Variants in HIF3A observed in about 807,000 individuals in gnomAD.
HIF3A encodes hypoxia inducible factor 3 subunit alpha.
A neutral mutation model predicts 67.2 loss-of-function variants in HIF3A; 41 were observed. That is an observed-to-expected ratio of 0.61 (90% CI 0.48 to 0.79). The LOEUF is 0.79. HIF3A is among the 30% of genes least tolerant of loss of function. The probability of loss-of-function intolerance (pLI) is 0.00; values close to 1 mark genes in which losing one functional copy is unlikely to be tolerated. For synonymous variants in HIF3A, 356 were observed against 374.8 expected, an observed-to-expected ratio of 0.95 and a Z score of 0.58; for missense variants, 855 against 898.0, an observed-to-expected ratio of 0.95 and a Z score of 0.61.
chr19:46,335,162 C>T (rs1290488237), intron 14 of HIF3A, among the ~76,000 whole-genome samples, 176 bp downstream of exon 14: 1 of 152,054 alleles, frequency 6.6e-6, no homozygotes, highest in Non-Finnish European at 1.5e-5. Context: ...GGAGAGAGCC[C>T]CTAAGGGAGG....
Position 46,308,266 on chromosome 19 carries a change from G to C in HIF3A, c.409G>C (p.Asp137His). The change falls in exon 4 of 15, where the codon GAC becomes CAC. Residue 137 changes from aspartate (D) to histidine (H), a missense_variant. By Grantham distance (81) the Asp-to-His change is moderately conservative. Around this residue, in one of 3 missense-constraint regions of HIF3A, gnomAD observed 638 missense variants for 660.5 expected, o/e 0.97. Transcript: ENST00000377670. ...HSIFDFIHPC[D>H]QEELQDALTP... ...CATCTTTGATTTCATCCACCCCTGT[G>C]ACCAAGAGGAGCTTCAGGACGCCCT... 6.2e-7 allele frequency: 1 copy of C among 1,613,862 alleles called. No homozygotes were observed. Among genetic ancestry groups the C allele is most frequent in the East Asian group, 2.2e-5 (1 of 44,866 alleles).
Position 46,297,146 on chromosome 19 carries a change from T to A in HIF3A, c.26+44T>A. ...AGGAGTTCTGGGAATTGGGGGGCTC[T>A]CCTCCTGGAGACCCCTGAGCTGGAT... On this transcript the variant is annotated intron_variant, in intron 1 of 14. Coordinates refer to ENST00000377670, the MANE Select transcript of HIF3A (RefSeq NM_152795.4). This position sits in a 1 kb window ranked among gnomAD's most constrained non-coding sequence, Gnocchi z 4.5. 2 of 383,322 alleles carry A rather than the reference T, an allele frequency of 5.2e-6. No homozygotes were observed. The highest frequency in any genetic ancestry group is 8.6e-6 in the Non-Finnish European group (2 of 233,190). 23.7% of individuals were successfully genotyped at this position (383,322 alleles called of 1,614,324 possible). A position where few individuals can be genotyped will look rare whatever the true frequency, so the allele number is the denominator to read the frequency against.
rs532285027 is a variant in HIF3A at position 46,331,855 on chromosome 19, C to CAA, written c.1830+600_1830+601dup. 3.2e-3 allele frequency among the ~76,000 whole-genome samples: 163 copies of CAA among 51,232 alleles called. 2 individuals are homozygous for CAA. The highest frequency in any genetic ancestry group is 7.5e-3 in the African/African-American group (113 of 15,002). 33.6% of individuals were successfully genotyped at this position (51,232 alleles called of 152,430 possible). On this transcript the variant is annotated intron_variant, in intron 13 of 14. Coordinates refer to ENST00000377670, the MANE Select transcript of HIF3A (RefSeq NM_152795.4). ...AGGCAACAAGAGTGAAACTCCGTCT[C>CAA]AAAAAAAAAAAAAAAAAAAGGCAAT...
intron 13 of HIF3A, among the ~76,000 whole-genome samples, chr19:46,332,833 C>T (rs1004269873): frequency 3.3e-5 from 5 of 151,820 alleles, no homozygotes; most frequent in East Asian, 1.9e-4. Context: ...AAAATACAAA[C>T]GTTAGCCGGG....
At chr19:46,321,168 C>T (rs71353905) in intron 9 of HIF3A, among the ~76,000 whole-genome samples, 2,511 of 152,246 alleles carry the variant, frequency 0.016, 32 homozygotes, top group Non-Finnish European at 0.028. Context: ...TCCTTGAGGG[C>T]TTGGGGCCAG....
intron 10 of HIF3A, among the ~76,000 whole-genome samples, 196 bp from the exon 11 acceptor site, chr19:46,325,339 C>A (rs1970701229): frequency 6.6e-6 from 1 of 152,072 alleles, no homozygotes; most frequent in African/African-American, 2.4e-5. Context: ...TTTGCCCCAT[C>A]CATCTATGTA....
intron 14 of HIF3A, chr19:46,338,579 T>G (rs1454670362): frequency 9.3e-7 from 1 of 1,077,694 alleles, no homozygotes; most frequent in Non-Finnish European, 1.1e-6. Context: ...TAACAACAGC[T>G]GACTTAACTG....
intron 1 of HIF3A, among the ~76,000 whole-genome samples, chr19:46,301,135 CA>C (rs1968295357): frequency 1.3e-5 from 2 of 152,156 alleles, no homozygotes; most frequent in Non-Finnish European, 1.5e-5. Context: ...GGGACGGGGA[CA>C]GGGGCCGTAT....
intron 10 of HIF3A, among the ~76,000 whole-genome samples, chr19:46,322,347 T>C (rs1272102596): frequency 2.0e-5 from 3 of 152,160 alleles, no homozygotes; most frequent in African/African-American, 7.2e-5. Flanking sequence ...CTGGAGATAG[T>C]GTCAGATTTC....
At chr19:46,335,247 C>CATTTATTT (rs374748726) in intron 14 of HIF3A, among the ~76,000 whole-genome samples, 4,850 of 146,246 alleles carry the variant, frequency 0.033, 222 homozygotes, top group African/African-American at 0.098. Context: ...CCTATGATCA[C>CATTTATTT]ATTTATTTAT....
chr19:46,304,784 G>A lies in HIF3A; in HGVS notation c.218-461G>A, dbSNP rs898263540. Among the ~76,000 whole-genome samples, 11 of 152,186 alleles carry A rather than the reference G, an allele frequency of 7.2e-5. No homozygotes were observed. The East Asian group carries it at 2.1e-3, about 30-fold the overall frequency. ...TTTTCTTGGAGGCTTTACCCCCTTA[G>A]AAGTCTGTTCCCTGGGAGTCCCTTC... On this transcript the variant is annotated intron_variant, in intron 2 of 14. Transcript: ENST00000377670.
Position 46,341,177 on chromosome 19 carries a change from T to C in HIF3A, c.*1555T>C, listed in dbSNP as rs11667354. On this transcript the variant is annotated 3_prime_UTR_variant, in exon 15 of 15. Transcript: ENST00000377670. ...GATCGGTAATACATTTGGTTCCAAA[T>C]CCAGACCTCTTAATCTCTCTCTTTT... 0.13 allele frequency: 19,086 copies of C among 151,182 alleles called. 1,672 individuals carry two copies. The highest frequency in any genetic ancestry group is 0.32 in the East Asian group (1,659 of 5,134). The allele number at this position is 151,182 out of a possible 1,614,324, so 9.4% of individuals were successfully genotyped here. A position where few individuals can be genotyped will look rare whatever the true frequency, so the allele number is the denominator to read the frequency against.
In HIF3A at chr19:46,329,491, A is replaced by G; in HGVS notation, c.1712+13A>G. On this transcript the variant is annotated intron_variant, in intron 12 of 14. Transcript: ENST00000377670. ...GGGCTCGGAAGAGGTGAGCCACAGT[A>G]AAGGGGGGACATCAAGGCAGCATCC... 6.7e-7 allele frequency: 1 copy of G among 1,498,292 alleles called. No individual in the cohort carries two copies. Among genetic ancestry groups the G allele is most frequent in the African/African-American group, 1.4e-5 (1 of 71,542 alleles). 92.8% of individuals were successfully genotyped at this position (1,498,292 alleles called of 1,614,324 possible). A position where few individuals can be genotyped will look rare whatever the true frequency, so the allele number is the denominator to read the frequency against.
rs1308500966 is a variant in HIF3A, at chr19:46,304,080, G to C, written c.209G>C (p.Cys70Ser). The C allele has an allele frequency of 7.0e-6, 11 of 1,566,564 alleles. No homozygotes were observed. Among genetic ancestry groups the C allele is most frequent in the Non-Finnish European group, 7.8e-6 (9 of 1,157,586 alleles). Residue 70 changes from cysteine (C) to serine (S), a missense_variant, in exon 2 of 15, where the codon TGC becomes TCC. Cys to Ser is a moderately radical substitution (Grantham distance 112, BLOSUM62 -1). Coordinates refer to ENST00000377670, the MANE Select transcript of HIF3A (RefSeq NM_152795.4). The part of the protein sequence containing the change: ...TISYLRMHRL[C>S]AAGEWNQVGA... ...AGCTACCTGCGCATGCACCGCCTCT[G>C]CGCCGCAGGTGAGCCCCGCCCGCGG... is the stretch of plus-strand genomic sequence containing the variant.
At chr19:46,338,078 A>G (rs1289182715) in intron 14 of HIF3A, 4 of 404,968 alleles carry the variant, frequency 9.9e-6, no homozygotes, top group East Asian at 1.5e-4. Flanking sequence ...ACCTGATCCA[A>G]TTGGCGCTTC....
chr19:46,307,697 G>A (rs766531590), intron 3 of HIF3A, among the ~76,000 whole-genome samples: 22 of 151,274 alleles, frequency 1.5e-4, no homozygotes, highest in Non-Finnish European at 2.4e-4. Context: ...GCAGTGAGCT[G>A]AGATCGCACC....
intron 3 of HIF3A, among the ~76,000 whole-genome samples, chr19:46,307,999 CAGATAGAT>C (rs879144909): frequency 1.1e-3 from 55 of 49,380 alleles, no homozygotes; most frequent in African/African-American, 2.9e-3. Context: ...GACAGACAGA[CAGATAGAT>C]AGATAGATAG....
At chr19:46,329,999 G>A in intron 12 of HIF3A, among the ~76,000 whole-genome samples, 1 of 137,774 alleles carries the variant, frequency 7.3e-6, no homozygotes, top group South Asian at 2.7e-4. Flanking sequence ...GAGAGAGAGT[G>A]AAGAGAGAGG....
intron 12 of HIF3A, among the ~76,000 whole-genome samples, chr19:46,330,481 T>C (rs1971120009): frequency 6.7e-6 from 1 of 149,864 alleles, no homozygotes; most frequent in African/African-American, 2.5e-5. Context: ...ATGAATCGGA[T>C]GGATGGAGGG....
Sources: gnomAD v4.1 joint callset for allele counts (sites outside exome capture counted in the v4.1 genomes callset) on GRCh38, gnomAD v4.1.1 for gene constraint, gnomAD v4.1.1 regional missense constraint, Gnocchi (gnomAD v3.1) non-coding constraint, MANE v1.5 for transcripts, NCBI Gene and HGNC (gene_info 2026-07-23, HGNC 2026-07-21) for gene names.